GRID2: variants seen among roughly 807,000 people sequenced by gnomAD.
The protein encoded by GRID2 is glutamate receptor ionotropic, delta-2.
GRID2 carries 33 observed loss-of-function variants against 114.8 expected under a neutral mutation model. The observed-to-expected ratio is 0.29, with a 90% CI of 0.22 to 0.38. The LOEUF (loss-of-function observed/expected upper bound fraction) is 0.38, where lower values mean the gene tolerates loss of function less well. Ranked by LOEUF, GRID2 falls within the 10% of genes least tolerant of loss-of-function variation. The probability of loss-of-function intolerance (pLI) is 1.00; values close to 1 mark genes in which losing one functional copy is unlikely to be tolerated. For synonymous variants in GRID2, 505 were observed against 449.9 expected (o/e 1.12, Z -1.55); for missense variants, 1,184 against 1,257.7 (o/e 0.94, Z 0.89).
In GRID2 at chr4:93,713,560, G is replaced by A. The variant is rs191437299; in HGVS notation, c.2361-55650G>A. 1.4e-3 allele frequency among the ~76,000 whole-genome samples: 211 copies of A among 151,786 alleles called. 1 individual carries two copies. The highest frequency in any genetic ancestry group is 2.6e-3 in the Non-Finnish European group (174 of 67,924). On this transcript the variant is annotated intron_variant, in intron 14 of 15. Transcript: ENST00000282020. ...CATGCAAAATTCCTGCACTGATTGCGCTTATATTGTTCTAGGGAGGTACAT... is the reference window on the plus strand; with the variant it reads ...CATGCAAAATTCCTGCACTGATTGCACTTATATTGTTCTAGGGAGGTACAT...
chr4:92,822,490 C>T, intron 2 of GRID2: 1 of 427,794 alleles, frequency 2.3e-6, no homozygotes, highest in South Asian at 1.9e-5. Flanking sequence ...CTCTGAGTGG[C>T]TCTCCACCTG....
At chr4:92,569,533 T>C (rs1389008189) in intron 1 of GRID2, among the ~76,000 whole-genome samples, 1 of 152,074 alleles carries the variant, frequency 6.6e-6, no homozygotes, top group Non-Finnish European at 1.5e-5. Context: ...CTCTAGGTCT[T>C]TGAGGAATCA....
At chr4:93,247,283 G>C (rs1579416341) in intron 8 of GRID2, among the ~76,000 whole-genome samples, 3 of 152,132 alleles carry the variant, frequency 2.0e-5, no homozygotes, top group Admixed American at 2.0e-4. Flanking sequence ...AAGATAGCTG[G>C]TAAAACATTA....
chr4:92,567,036 C>T (rs1477396062), intron 1 of GRID2, among the ~76,000 whole-genome samples: 2 of 152,022 alleles, frequency 1.3e-5, no homozygotes, highest in Non-Finnish European at 1.5e-5. Context: ...TAAATAGTTA[C>T]ACCTTAAAAG....
intron 2 of GRID2, among the ~76,000 whole-genome samples, chr4:92,995,220 CT>C (rs1413039079): frequency 1.3e-5 from 2 of 152,124 alleles, no homozygotes; most frequent in Admixed American, 1.3e-4. Context: ...TATTGGCTCA[CT>C]TTTCCTCACA....
intron 1 of GRID2, among the ~76,000 whole-genome samples, chr4:92,477,096 T>C (rs1054308066): frequency 2.5e-4 from 34 of 133,480 alleles, no homozygotes; most frequent in Admixed American, 9.9e-4. Context: ...TGTGTGTGTG[T>C]GTTTGCTTAG....
At chr4:92,915,048 A>G (rs112448261) in intron 2 of GRID2, among the ~76,000 whole-genome samples, 35 of 152,298 alleles carry the variant, frequency 2.3e-4, no homozygotes, top group African/African-American at 7.9e-4. Context: ...ACTTACAATC[A>G]TGGCCGAAGT....
chr4:93,591,207 C>A (rs1738252178), intron 13 of GRID2, among the ~76,000 whole-genome samples: 1 of 150,722 alleles, frequency 6.6e-6, no homozygotes, highest in Non-Finnish European at 1.5e-5. Context: ...ATAGATAGCT[C>A]TTATTATTTT....
At chr4:92,882,529 C>G (rs967529403) in intron 2 of GRID2, among the ~76,000 whole-genome samples, 2 of 151,340 alleles carry the variant, frequency 1.3e-5, no homozygotes, top group African/African-American at 4.9e-5. Context: ...ATGCCTAGAA[C>G]TATATTAGGG....
At chr4:92,821,784 C>T (rs546825685) in intron 2 of GRID2, among the ~76,000 whole-genome samples, 5 of 152,158 alleles carry the variant, frequency 3.3e-5, no homozygotes, top group South Asian at 4.1e-4. Context: ...TTCCTTTTTC[C>T]ATTTCCAACT....
intron 14 of GRID2, among the ~76,000 whole-genome samples, chr4:93,747,976 C>T (rs1361752392): frequency 6.6e-6 from 1 of 151,988 alleles, no homozygotes. Context: ...AAAAAGAAGA[C>T]TATTTGGTTA....
At chr4:93,372,083 A>G (rs1762987937) in intron 8 of GRID2, among the ~76,000 whole-genome samples, 1 of 152,112 alleles carries the variant, frequency 6.6e-6, no homozygotes, top group South Asian at 2.1e-4. Flanking sequence ...GTACATATAC[A>G]CTTTATATTT....
intron 4 of GRID2, among the ~76,000 whole-genome samples, chr4:93,194,373 T>A (rs1316245635): frequency 6.6e-6 from 1 of 152,174 alleles, no homozygotes; most frequent in Non-Finnish European, 1.5e-5. Context: ...CTTTAGTGTG[T>A]TTTAAGGAGT....
intron 2 of GRID2, among the ~76,000 whole-genome samples, chr4:93,045,595 G>C (rs1726053088): frequency 6.6e-6 from 1 of 152,054 alleles, no homozygotes; most frequent in African/African-American, 2.4e-5. Flanking sequence ...GGAAAAATAT[G>C]GGGGTAATAA....
At chr4:93,307,699 A>G (rs1245010034) in intron 8 of GRID2, among the ~76,000 whole-genome samples, 1 of 152,192 alleles carries the variant, frequency 6.6e-6, no homozygotes. Flanking sequence ...AAATTTAATG[A>G]TAATAATTAA....
intron 8 of GRID2, among the ~76,000 whole-genome samples, chr4:93,300,831 G>A (rs1297931765): frequency 6.6e-6 from 1 of 152,190 alleles, no homozygotes; most frequent in Non-Finnish European, 1.5e-5. Context: ...ACATGAAAGT[G>A]TTGTGATTGA....
intron 4 of GRID2, among the ~76,000 whole-genome samples, chr4:93,188,349 C>G (rs1341148605): frequency 6.6e-6 from 1 of 152,180 alleles, no homozygotes; most frequent in East Asian, 1.9e-4. Flanking sequence ...AGAGAGGCAG[C>G]CCAAGCTGTA....
intron 8 of GRID2, among the ~76,000 whole-genome samples, chr4:93,283,685 T>G (rs538204338): frequency 6.6e-6 from 1 of 152,212 alleles, no homozygotes; most frequent in African/African-American, 2.4e-5. Context: ...TGAGAAGAAC[T>G]TATATACTAC....
At chr4:93,287,904 G>A (rs1342562333) in intron 8 of GRID2, among the ~76,000 whole-genome samples, 3 of 152,122 alleles carry the variant, frequency 2.0e-5, no homozygotes, top group Non-Finnish European at 1.5e-5. Flanking sequence ...CTCATAATGC[G>A]TTTTGAGTAA....
Sources: allele counts gnomAD v4.1 joint callset (sites outside exome capture counted in the v4.1 genomes callset), GRCh38; gene constraint gnomAD v4.1.1; transcripts MANE v1.5; gene names NCBI Gene and HGNC (gene_info 2026-07-23, HGNC 2026-07-21).